NOVA1: variants seen among roughly 807,000 people sequenced by gnomAD.
NOVA1 encodes RNA-binding protein Nova-1.
A neutral mutation model predicts 38.0 loss-of-function variants in NOVA1; 7 were observed. That is an observed-to-expected ratio of 0.18 (90% CI 0.10 to 0.35). The LOEUF (loss-of-function observed/expected upper bound fraction) is 0.35, where lower values mean the gene tolerates loss of function less well. Among genes scored for constraint, NOVA1 ranks in the 10% least tolerant of loss-of-function variants. The pLI, the probability that NOVA1 is intolerant of heterozygous loss-of-function variation, is 1.00. For missense variants in NOVA1, 460 were observed against 616.0 expected (o/e 0.75, Z 2.68); for synonymous variants, 270 against 232.5 (o/e 1.16, Z -1.47).
chr14:26,544,936 C>A (rs1368034475), intron 2 of NOVA1, among the ~76,000 whole-genome samples: 1 of 151,944 alleles, frequency 6.6e-6, no homozygotes, highest in Non-Finnish European at 1.5e-5. Flanking sequence ...CAAAGAAGAC[C>A]AATTGTATGG....
intron 2 of NOVA1, among the ~76,000 whole-genome samples, chr14:26,575,409 T>C (rs1471893618): frequency 4.6e-5 from 7 of 152,162 alleles, no homozygotes; most frequent in African/African-American, 1.4e-4. Flanking sequence ...TCATCTTCCA[T>C]AAGTCAACAC....
chr14:26,495,752 T>C (rs1886723194), intron 2 of NOVA1, among the ~76,000 whole-genome samples: 1 of 147,384 alleles, frequency 6.8e-6, no homozygotes, highest in Non-Finnish European at 1.5e-5. Context: ...CGGTGTTTGG[T>C]TTTTTGTTCT....
chr14:26,488,490 T>C (rs1485521770), intron 2 of NOVA1, among the ~76,000 whole-genome samples: 1 of 152,154 alleles, frequency 6.6e-6, no homozygotes, highest in East Asian at 1.9e-4. Flanking sequence ...TGAAAACAGA[T>C]ATATCTGAAA....
chr14:26,581,570 CAA>C (rs1467021171), intron 2 of NOVA1, among the ~76,000 whole-genome samples: 1 of 151,838 alleles, frequency 6.6e-6, no homozygotes, highest in Non-Finnish European at 1.5e-5. Flanking sequence ...TATATATACA[CAA>C]GTCTGGTCAG....
At chr14:26,458,756 C>A (rs937042277) in intron 4 of NOVA1, among the ~76,000 whole-genome samples, 5 of 151,868 alleles carry the variant, frequency 3.3e-5, no homozygotes, top group Admixed American at 1.3e-4. Context: ...CAAACCTCAA[C>A]GACATGCAAA....
At chr14:26,575,665 G>T (rs2138741353) in intron 2 of NOVA1, among the ~76,000 whole-genome samples, 1 of 151,988 alleles carries the variant, frequency 6.6e-6, no homozygotes, top group East Asian at 1.9e-4. Flanking sequence ...CAAGCCTACA[G>T]ATTTATTTTG....
chr14:26,506,403 T>C (rs1220586702), intron 2 of NOVA1, among the ~76,000 whole-genome samples: 1 of 152,162 alleles, frequency 6.6e-6, no homozygotes, highest in East Asian at 1.9e-4. Flanking sequence ...GGGGAACAGA[T>C]TTGCTTCAGG....
intron 4 of NOVA1, among the ~76,000 whole-genome samples, chr14:26,463,609 A>ATGTAC (rs1362735584): frequency 6.6e-6 from 1 of 152,112 alleles, no homozygotes; most frequent in Non-Finnish European, 1.5e-5. Context: ...TTTTTTCCAA[A>ATGTAC]TGTACTGTTT....
At chr14:26,492,428 CTT>C (rs1886415691) in intron 2 of NOVA1, among the ~76,000 whole-genome samples, 1 of 152,118 alleles carries the variant, frequency 6.6e-6, no homozygotes, top group African/African-American at 2.4e-5. Flanking sequence ...GCATCCATGT[CTT>C]GTTTCTTATC....
intron 2 of NOVA1, among the ~76,000 whole-genome samples, chr14:26,503,444 C>T (rs1887390066): frequency 6.6e-6 from 1 of 151,974 alleles, no homozygotes; most frequent in African/African-American, 2.4e-5. Context: ...AAAAATCAAA[C>T]CAAACTTCCA....
At chr14:26,547,961 G>C (rs1890900596) in intron 2 of NOVA1, among the ~76,000 whole-genome samples, 1 of 152,012 alleles carries the variant, frequency 6.6e-6, no homozygotes, top group Non-Finnish European at 1.5e-5. Flanking sequence ...TTTCCACTCA[G>C]TGTAAGTAAA....
chr14:26,444,174 C>T lies in NOVA1; in HGVS notation c.*3785G>A, dbSNP rs1158437789. On this transcript the variant is annotated 3_prime_UTR_variant, in exon 5 of 5. Coordinates refer to ENST00000539517, the MANE Select transcript of NOVA1 (RefSeq NM_002515.3). ...TTCCAAGGAAACATAGGGCCTGTAA[C>T]GTAGGGATTCCATTCATTGTTAAAT... The T allele has an allele frequency of 3.3e-5, 5 of 151,980 alleles. No individual in the cohort carries two copies. Among genetic ancestry groups the T allele is most frequent in the South Asian group, 2.1e-4 (1 of 4,830 alleles). The allele number at this position is 151,980 out of a possible 1,614,324, so 9.4% of individuals were successfully genotyped here.
chr14:26,523,314 T>G (rs1889038739), intron 2 of NOVA1, among the ~76,000 whole-genome samples: 1 of 152,228 alleles, frequency 6.6e-6, no homozygotes, highest in Non-Finnish European at 1.5e-5. Flanking sequence ...CAACATTTAT[T>G]ATTTTAGTGC....
intron 2 of NOVA1, among the ~76,000 whole-genome samples, chr14:26,525,870 G>A (rs185985526): frequency 5.7e-4 from 86 of 152,034 alleles, no homozygotes; most frequent in African/African-American, 1.7e-3. Context: ...CTTGAGGGGC[G>A]TCAGGGATCA....
chr14:26,595,102 C>G (rs1894107188), intron 2 of NOVA1, among the ~76,000 whole-genome samples: 2 of 152,216 alleles, frequency 1.3e-5, no homozygotes, highest in East Asian at 3.9e-4. Flanking sequence ...ACCCTATTTC[C>G]TGATGCCAGC....
chr14:26,482,551 TCTAAA>T (rs1415834986), intron 2 of NOVA1, among the ~76,000 whole-genome samples: 2 of 152,170 alleles, frequency 1.3e-5, no homozygotes, highest in African/African-American at 2.4e-5. Context: ...TCAATTAGTA[TCTAAA>T]CTAAACTGCC....
At chr14:26,542,372 T>C (rs1890516774) in intron 2 of NOVA1, among the ~76,000 whole-genome samples, 2 of 151,866 alleles carry the variant, frequency 1.3e-5, no homozygotes, top group Admixed American at 1.3e-4. Context: ...TTTTACTTAT[T>C]TGCCTGACTA....
At chr14:26,571,795 A>G (rs1431149008) in intron 2 of NOVA1, among the ~76,000 whole-genome samples, 2 of 152,236 alleles carry the variant, frequency 1.3e-5, no homozygotes, top group Non-Finnish European at 1.5e-5. Context: ...TCAAAACTCA[A>G]TAGAATATTA....
At chr14:26,460,143 T>C (rs549171247) in intron 4 of NOVA1, among the ~76,000 whole-genome samples, 1 of 152,092 alleles carries the variant, frequency 6.6e-6, no homozygotes, top group Non-Finnish European at 1.5e-5. Context: ...TCTGCATTAA[T>C]TTGGCCTCCA....
Sources: allele counts gnomAD v4.1 joint callset (sites outside exome capture counted in the v4.1 genomes callset), GRCh38; gene constraint gnomAD v4.1.1; transcripts MANE v1.5; gene names NCBI Gene and HGNC (gene_info 2026-07-23, HGNC 2026-07-21).